KIF1B: variants seen among roughly 807,000 people sequenced by gnomAD.
KIF1B encodes the protein kinesin-like protein KIF1B.
In KIF1B, 76 loss-of-function variants were observed where a neutral mutation model predicts 241.9. That is an observed-to-expected ratio of 0.31 (90% CI 0.26 to 0.38). The LOEUF is 0.38. KIF1B is among the 10% of genes least tolerant of loss of function. The pLI is 1.00. For missense variants in KIF1B, 1,622 were observed against 2,271.4 expected, an observed-to-expected ratio of 0.71 and a Z score of 5.81; for synonymous variants, 750 against 796.7, an observed-to-expected ratio of 0.94 and a Z score of 0.99.
At position 10,347,938 on chromosome 1, in the gene KIF1B, C is replaced by T. The variant is rs145948280; in HGVS notation, c.3864+111C>T. The T allele has an allele frequency of 7.6e-6, 7 of 919,348 alleles. No individual in the cohort carries two copies. In the East Asian group the frequency reaches 8.0e-5, roughly 11 times the overall value. The allele number at this position is 919,348 out of a possible 1,614,324, so 56.9% of individuals were successfully genotyped here. On this transcript the variant is annotated intron_variant, in intron 36 of 48. Coordinates refer to ENST00000676179, the MANE Select transcript of KIF1B (RefSeq NM_001365951.3). The stretch of plus-strand genomic sequence containing the variant: ...TTTCATCTCTATTTCAGAGGGTGGG[C>T]GGGGCATTGTCCTGTTGTCATTTTT...
chr1:10,256,489 A>G (rs986584655), intron 3 of KIF1B, among the ~76,000 whole-genome samples, 166 bp downstream of exon 3: 1 of 152,096 alleles, frequency 6.6e-6, no homozygotes, highest in Non-Finnish European at 1.5e-5. Context: ...TTCATAAAGT[A>G]TTTGGGTTGA....
chr1:10,235,508 C>G (rs1647038536), intron 2 of KIF1B, among the ~76,000 whole-genome samples: 1 of 152,220 alleles, frequency 6.6e-6, no homozygotes, highest in Non-Finnish European at 1.5e-5. Context: ...CTGCCTTGGC[C>G]TCCCAGAGTG....
intron 2 of KIF1B, among the ~76,000 whole-genome samples, chr1:10,240,854 A>G (rs981732688): frequency 7.9e-5 from 12 of 151,168 alleles, no homozygotes; most frequent in Non-Finnish European, 1.3e-4. Context: ...GTGAACCACC[A>G]CACCTGGCCC....
chr1:10,300,577 C>T (rs1013346654), intron 22 of KIF1B, among the ~76,000 whole-genome samples: 6 of 151,736 alleles, frequency 4.0e-5, no homozygotes, highest in Non-Finnish European at 7.4e-5. Context: ...TTGTCATTTC[C>T]TGAATTAGGT....
At chr1:10,364,083 G>A (rs1389136238) in intron 41 of KIF1B, among the ~76,000 whole-genome samples, 1 of 151,824 alleles carries the variant, frequency 6.6e-6, no homozygotes, top group African/African-American at 2.4e-5. Flanking sequence ...AAATTAACAG[G>A]AAATAATAGA....
At chr1:10,333,640 C>T (rs546150241) in intron 27 of KIF1B, among the ~76,000 whole-genome samples, 9 of 150,966 alleles carry the variant, frequency 6.0e-5, no homozygotes, top group African/African-American at 1.2e-4. Flanking sequence ...TGCAGTGAGC[C>T]GAGACTGCAC....
chr1:10,310,897 C>T (rs760917770), intron 22 of KIF1B, among the ~76,000 whole-genome samples: 24 of 151,530 alleles, frequency 1.6e-4, no homozygotes, highest in Admixed American at 4.6e-4. Flanking sequence ...TCTTAGCTGA[C>T]AATGTTTTTG....
rs147974110 is a variant in KIF1B, at chr1:10,310,599, C to T, written c.2116-9444C>T. On this transcript the variant is annotated intron_variant, in intron 22 of 48. Transcript: ENST00000676179. Reference sequence around the variant, plus strand: ...CCCGAAGGCCATAGTTTGCCGACCCCGATCTAGAAGATAGCTACTTCTGAT... The same window carrying T: ...CCCGAAGGCCATAGTTTGCCGACCCTGATCTAGAAGATAGCTACTTCTGAT... Among the ~76,000 whole-genome samples the T allele has an allele frequency of 1.1e-4, 17 of 151,684 alleles. No homozygotes were observed. The East Asian group carries it at 2.7e-3, about 24-fold the overall frequency.
intron 22 of KIF1B, among the ~76,000 whole-genome samples, chr1:10,299,421 G>A (rs1024870510): frequency 3.3e-5 from 5 of 152,124 alleles, no homozygotes; most frequent in African/African-American, 7.2e-5. Context: ...CTTGACTTAA[G>A]GGAGGAACTG....
chr1:10,276,064 C>T (rs534021380), intron 11 of KIF1B, among the ~76,000 whole-genome samples: 46 of 151,986 alleles, frequency 3.0e-4, no homozygotes, highest in Non-Finnish European at 6.0e-4. Context: ...CACCACCTTG[C>T]CCAGCTAATT....
intron 44 of KIF1B, among the ~76,000 whole-genome samples, chr1:10,370,641 G>GT (rs1269437268): frequency 8.6e-6 from 1 of 116,164 alleles, no homozygotes; most frequent in African/African-American, 4.2e-5. Context: ...TCTCGAGAAA[G>GT]AAAATAATAA....
rs374256520 is a variant in KIF1B at position 10,352,666 on chromosome 1, G to T, written c.3985G>T (p.Ala1329Ser). The T allele has an allele frequency of 1.2e-6, 2 of 1,613,856 alleles. No individual in the cohort carries two copies. Among genetic ancestry groups the T allele is most frequent in the Non-Finnish European group, 1.7e-6 (2 of 1,179,926 alleles). The part of the protein sequence containing the change: ...IRNKPEVDEA[A>S]VDAILSLNII... ...GAATAAGCCTGAGGTGGATGAAGCTGCAGTTGATGCCATCCTCTCCCTAAA... is the reference window on the plus strand; with the variant it reads ...GAATAAGCCTGAGGTGGATGAAGCTTCAGTTGATGCCATCCTCTCCCTAAA... Residue 1329 changes from alanine to serine, a missense_variant, in exon 38 of 49, where the codon GCA becomes TCA. Transcript: ENST00000676179.
At chr1:10,369,211 A>C (rs998294213) in intron 44 of KIF1B, among the ~76,000 whole-genome samples, 3 of 152,130 alleles carry the variant, frequency 2.0e-5, no homozygotes, top group Non-Finnish European at 2.9e-5. Context: ...TTACTACCTG[A>C]TGCTTTTTAA....
At chr1:10,221,937 T>TC (rs1646850821) in intron 1 of KIF1B, among the ~76,000 whole-genome samples, 5 of 152,156 alleles carry the variant, frequency 3.3e-5, no homozygotes, top group Admixed American at 3.3e-4. Context: ...TGCCTCAGCC[T>TC]CCTAAGTAGC....
intron 2 of KIF1B, among the ~76,000 whole-genome samples, chr1:10,244,813 T>C (rs1220660230): frequency 2.7e-5 from 4 of 147,588 alleles, no homozygotes; most frequent in Non-Finnish European, 6.0e-5. Context: ...GGGGTTTCAC[T>C]GTTTTAGCCA....
chr1:10,224,236 C>T (rs1646882438), intron 1 of KIF1B, among the ~76,000 whole-genome samples: 1 of 152,188 alleles, frequency 6.6e-6, no homozygotes, highest in Admixed American at 6.5e-5. Context: ...CCTGCCTCAG[C>T]CTCCCGAGTA....
chr1:10,279,282 C>T (rs974708602), intron 14 of KIF1B, 144 bp downstream of exon 14: 2 of 488,890 alleles, frequency 4.1e-6, no homozygotes, highest in African/African-American at 1.9e-5. Flanking sequence ...AGAAATGATC[C>T]TATTTTTGCC....
intron 38 of KIF1B, among the ~76,000 whole-genome samples, chr1:10,353,424 T>C (rs565073071): frequency 6.6e-6 from 1 of 152,228 alleles, no homozygotes; most frequent in Admixed American, 6.5e-5. Context: ...AGACTAGAAC[T>C]AAACCAGCTG....
In KIF1B at chr1:10,354,558, C is replaced by G. The variant is rs549363584; in HGVS notation, c.4055+1822C>G. 3.9e-5 allele frequency among the ~76,000 whole-genome samples: 6 copies of G among 152,282 alleles called. No individual in the cohort carries two copies. The East Asian group carries it at 9.6e-4, about 24-fold the overall frequency. On this transcript the variant is annotated intron_variant, in intron 38 of 48. Transcript: ENST00000676179. The stretch of plus-strand genomic sequence containing the variant: ...TTTAAACAACTCACCATTTTCTAAC[C>G]TTTTGAAAACATTCAACTTAGTTTT...
Sources: gnomAD v4.1 joint callset for allele counts (sites outside exome capture counted in the v4.1 genomes callset) on GRCh38, gnomAD v4.1.1 for gene constraint, MANE v1.5 for transcripts, NCBI Gene and HGNC (gene_info 2026-07-23, HGNC 2026-07-21) for gene names.